The following CAMK2D variants were observed in gnomAD, a reference collection of about 807,000 sequenced individuals.
CAMK2D encodes calcium/calmodulin-dependent protein kinase type II subunit delta.
In CAMK2D, 37 loss-of-function variants were observed where a neutral mutation model predicts 84.0. That is an observed-to-expected ratio of 0.44 (90% CI 0.34 to 0.58). CAMK2D has a LOEUF of 0.58. Among genes scored for constraint, CAMK2D ranks in the 20% least tolerant of loss-of-function variants. The pLI is 0.02. For missense variants in CAMK2D, 448 were observed against 652.5 expected, an observed-to-expected ratio of 0.69 and a Z score of 3.41; for synonymous variants, 202 against 212.5, an observed-to-expected ratio of 0.95 and a Z score of 0.43.
intron 2 of CAMK2D, among the ~76,000 whole-genome samples, chr4:113,748,588 C>T (rs2099610110): frequency 6.6e-6 from 1 of 151,940 alleles, no homozygotes; most frequent in African/African-American, 2.4e-5. Flanking sequence ...AATAATTAAT[C>T]AGTTTTCTAG....
At chr4:113,515,866 T>C in intron 9 of CAMK2D, among the ~76,000 whole-genome samples, 2 of 152,340 alleles carry the variant, frequency 1.3e-5, no homozygotes, top group Middle Eastern at 6.8e-3. Flanking sequence ...AACTTCCCAT[T>C]ACTAATACTT....
intron 4 of CAMK2D, among the ~76,000 whole-genome samples, chr4:113,584,257 T>G (rs2098823885): frequency 1.3e-5 from 2 of 152,098 alleles, no homozygotes; most frequent in South Asian, 4.1e-4. Context: ...GAGATTGACC[T>G]CAAAGTGTGA....
chr4:113,586,837 G>A (rs886289290), intron 4 of CAMK2D, among the ~76,000 whole-genome samples: 3 of 152,146 alleles, frequency 2.0e-5, no homozygotes, highest in African/African-American at 7.2e-5. Context: ...TTGGTGGTCC[G>A]TTAGCTCCAT....
chr4:113,734,045 T>C (rs576243109), intron 2 of CAMK2D, among the ~76,000 whole-genome samples: 2 of 152,304 alleles, frequency 1.3e-5, no homozygotes, highest in South Asian at 4.1e-4. Flanking sequence ...ACCTGAGTTC[T>C]GTAATAGAAT....
At chr4:113,455,905 ACTGC>A in intron 19 of CAMK2D, 84 bp from the exon 20 acceptor site, 2 of 812,308 alleles carry the variant, frequency 2.5e-6, no homozygotes, top group Admixed American at 4.0e-5. Context: ...ACTTCAGGGA[ACTGC>A]AAAAAAACCT....
At chr4:113,510,119 A>G (rs13147469) in intron 12 of CAMK2D, among the ~76,000 whole-genome samples, 1 of 152,212 alleles carries the variant, frequency 6.6e-6, no homozygotes, top group Non-Finnish European at 1.5e-5. Context: ...TGCTTTCCAG[A>G]GGTTGAAAAT....
chr4:113,602,168 T>A (rs1345270009), intron 4 of CAMK2D, among the ~76,000 whole-genome samples: 1 of 152,142 alleles, frequency 6.6e-6, no homozygotes, highest in Non-Finnish European at 1.5e-5. Flanking sequence ...CTAAGTCCAT[T>A]TTTGCTTGAA....
intron 3 of CAMK2D, among the ~76,000 whole-genome samples, chr4:113,634,204 C>G (rs1432119399): frequency 6.6e-6 from 1 of 152,188 alleles, no homozygotes; most frequent in African/African-American, 2.4e-5. Flanking sequence ...TGATCCTGTA[C>G]AGCTGTCTAT....
intron 17 of CAMK2D, among the ~76,000 whole-genome samples, chr4:113,462,146 G>A (rs187886046): frequency 6.6e-6 from 1 of 152,192 alleles, no homozygotes; most frequent in East Asian, 1.9e-4. Context: ...GTTTTTGGTT[G>A]TCATTATCAG....
At chr4:113,652,055 T>C (rs2154302704) in intron 3 of CAMK2D, among the ~76,000 whole-genome samples, 1 of 152,318 alleles carries the variant, frequency 6.6e-6, no homozygotes, top group East Asian at 1.9e-4. Context: ...TAAAATTATT[T>C]TCTGCACTTA....
intron 3 of CAMK2D, among the ~76,000 whole-genome samples, chr4:113,648,559 AG>A (rs1258296359): frequency 1.1e-4 from 16 of 152,242 alleles, no homozygotes; most frequent in African/African-American, 3.9e-4. Context: ...GAAAGGCACA[AG>A]GGACCGGTAA....
At chr4:113,714,503 C>T (rs948271849) in intron 2 of CAMK2D, among the ~76,000 whole-genome samples, 2 of 152,080 alleles carry the variant, frequency 1.3e-5, no homozygotes, top group African/African-American at 2.4e-5. Flanking sequence ...GAGCTAAAGG[C>T]ACCTGAAAAA....
In CAMK2D at chr4:113,693,517, G is replaced by C. The variant is rs377340277; in HGVS notation, c.161-31745C>G. Among the ~76,000 whole-genome samples, 368 of 152,222 alleles carry C rather than the reference G, an allele frequency of 2.4e-3. 6 individuals are homozygous for C. Among genetic ancestry groups the C allele is most frequent in the Non-Finnish European group, 2.4e-4 (16 of 68,016 alleles). On this transcript the variant is annotated intron_variant, in intron 2 of 20. Coordinates refer to ENST00000511664, the MANE Select transcript of CAMK2D (RefSeq NM_001321571.2). ...AGAGAAAAAGGAAACATCAAGTAAA[G>C]GCAGCAAGTGTCAGAGGAGAAAGAA...
Position 113,457,372 on chromosome 4 carries a change from G to C in CAMK2D, c.1498C>G (p.His500Asp). The stretch of plus-strand genomic sequence containing the variant: ...GTTGGTGACCCCGAGCGATGAAAAT[G>C]AACATTCTGCCACTTTCCATCCCGG... ...HRRDGKWQNV[H>D]FHRSGSPTVP... is the part of the protein sequence containing the mutation. Residue 500 changes from histidine (H) to aspartate (D), a missense_variant, in exon 19 of 21, where the codon CAT (histidine) becomes GAT (aspartate). By Grantham distance (81) the His-to-Asp change is moderately conservative (BLOSUM62 -1). This residue lies in a region of CAMK2D where 219 missense variants were observed against 272.1 expected (regional missense o/e 0.80). Coordinates refer to ENST00000511664, the MANE Select transcript of CAMK2D (RefSeq NM_001321571.2). The C allele has an allele frequency of 6.2e-7, 1 of 1,613,726 alleles. No individual in the cohort carries two copies. Among genetic ancestry groups the C allele is most frequent in the Non-Finnish European group, 8.5e-7 (1 of 1,179,728 alleles).
At chr4:113,516,982 G>GTA (rs768565221) in intron 9 of CAMK2D, among the ~76,000 whole-genome samples, 90 of 151,364 alleles carry the variant, frequency 5.9e-4, no homozygotes, top group South Asian at 8.4e-4. Context: ...ATTTATGAAT[G>GTA]TATATATATA....
At chr4:113,636,093 T>C (rs1318183716) in intron 3 of CAMK2D, among the ~76,000 whole-genome samples, 1 of 152,218 alleles carries the variant, frequency 6.6e-6, no homozygotes, top group Admixed American at 6.5e-5. Context: ...AGGAGTCTAA[T>C]AGGTATTCTA....
intron 2 of CAMK2D, among the ~76,000 whole-genome samples, chr4:113,703,090 T>C (rs367929750): frequency 6.6e-6 from 1 of 152,286 alleles, no homozygotes; most frequent in East Asian, 1.9e-4. Context: ...TTTTGATAAA[T>C]GTGAATTTGT....
chr4:113,494,394 C>T lies in CAMK2D; in HGVS notation c.1135+6069G>A, dbSNP rs576375460. 6.6e-4 allele frequency among the ~76,000 whole-genome samples: 100 copies of T among 152,242 alleles called. 4 individuals carry two copies. The South Asian group carries it at 0.018, about 28-fold the overall frequency. ...TCAGCTGCAGGTCTGTTGGAGTACC[C>T]TGCCGTGTGAGGTGTCAGTGTGCCC... On this transcript the variant is annotated intron_variant, in intron 16 of 20. Transcript: ENST00000511664.
In CAMK2D at chr4:113,505,865, T is replaced by C. The variant is rs144428715; in HGVS notation, c.985-830A>G. Among the ~76,000 whole-genome samples, 481 of 152,236 alleles carry C rather than the reference T, an allele frequency of 3.2e-3. 4 individuals are homozygous for C. Among genetic ancestry groups the C allele is most frequent in the Non-Finnish European group, 5.2e-3 (356 of 68,002 alleles). ...CTAACGGTCCACAGAGAAGACTCTTTGTAGACAAGTGGCAATCAGAAACTA... is the reference window on the plus strand; with the variant it reads ...CTAACGGTCCACAGAGAAGACTCTTCGTAGACAAGTGGCAATCAGAAACTA... On this transcript the variant is annotated intron_variant, in intron 13 of 20. Transcript: ENST00000511664.
Sources: allele counts gnomAD v4.1 joint callset (sites outside exome capture counted in the v4.1 genomes callset), GRCh38; gene constraint gnomAD v4.1.1; regional missense constraint gnomAD v4.1.1; transcripts MANE v1.5; gene names NCBI Gene and HGNC (gene_info 2026-07-23, HGNC 2026-07-21).